CAPN15: variants seen among roughly 807,000 people sequenced by gnomAD.
CAPN15 encodes the protein calpain 15, also known as calpain-15.
CAPN15 carries 53 observed loss-of-function variants against 97.9 expected under a neutral mutation model. The observed-to-expected ratio is 0.54, with a 90% CI of 0.43 to 0.68. CAPN15 has a LOEUF of 0.68. Among genes scored for constraint, CAPN15 ranks in the 30% least tolerant of loss-of-function variants. The pLI, the probability that CAPN15 is intolerant of heterozygous loss-of-function variation, is 0.00. For missense variants in CAPN15, 1,592 were observed against 1,589.8 expected, an observed-to-expected ratio of 1.00 and a Z score of -0.02; for synonymous variants, 922 against 722.5, an observed-to-expected ratio of 1.28 and a Z score of -4.43.
intron 4 of CAPN15, 67 bp from the exon 5 acceptor site, chr16:548,926 T>A: frequency 6.8e-7 from 1 of 1,464,156 alleles, no homozygotes; most frequent in Non-Finnish European, 9.5e-7. Context: ...CTGGGTGGGG[T>A]CTTGTCCCTG....
Position 553,859 on chromosome 16 carries a change from A to C in CAPN15, c.*343A>C. On this transcript the variant is annotated 3_prime_UTR_variant, in exon 14 of 14. Transcript: ENST00000219611. ...AGGGTCTCCTGCGGGCTAGGCAGCCAGGAGCTCTGTCCGCAAAACCAAATC... is the reference window on the plus strand; with the variant it reads ...AGGGTCTCCTGCGGGCTAGGCAGCCCGGAGCTCTGTCCGCAAAACCAAATC... 1 of 240,020 alleles carries C rather than the reference A, an allele frequency of 4.2e-6. No individual in the cohort carries two copies. Among genetic ancestry groups the C allele is most frequent in the Non-Finnish European group, 8.1e-6 (1 of 124,054 alleles). The allele number at this position is 240,020 out of a possible 1,614,324, so 14.9% of individuals were successfully genotyped here.
At chr16:542,859 G>A (rs1317879123) in intron 3 of CAPN15, among the ~76,000 whole-genome samples, 1 of 152,174 alleles carries the variant, frequency 6.6e-6, no homozygotes, top group South Asian at 2.1e-4. Context: ...TTCAAGACCA[G>A]CCTGGCCAAC....
chr16:547,999 C>G lies in CAPN15; in HGVS notation c.1161C>G (p.Asp387Glu). ...CCCACTGCCCCGACTGTGGGGCCGA[C>G]AAGCCCAGCCCCTGCGGCAGAAGCT... is the stretch of plus-strand genomic sequence containing the variant. ...PPTHCPDCGA[D>E]KPSPCGRSCG... is the part of the protein sequence containing the mutation. Residue 387 changes from aspartate to glutamate, a missense_variant, in exon 4 of 14, where the codon GAC becomes GAG. Around this residue, in one of 3 missense-constraint regions of CAPN15, gnomAD observed 883 missense variants for 776.6 expected, o/e 1.14. Transcript: ENST00000219611. The G allele has an allele frequency of 6.3e-7, 1 of 1,579,844 alleles. No homozygotes were observed. Among genetic ancestry groups the G allele is most frequent in the Admixed American group, 1.8e-5 (1 of 56,566 alleles).
chr16:552,294 G>C lies in CAPN15; in HGVS notation c.2508-7G>C, dbSNP rs773052416. 2.0e-5 allele frequency: 31 copies of C among 1,547,476 alleles called. No individual in the cohort carries two copies. In the South Asian group the frequency reaches 3.4e-4, roughly 17 times the overall value. ...CGCGTGACCCTGGCCCGTGGTGTCT[G>C]GCGCAGGCGCTCGGACGCCGTGGAC... On this transcript the variant is annotated splice_region_variant and splice_polypyrimidine_tract_variant and intron_variant, in intron 10 of 13. Transcript: ENST00000219611. The surrounding 1 kb of genome is among the most constrained non-coding windows in gnomAD (Gnocchi z 6.4).
At chr16:542,988 T>C (rs58497981) in intron 3 of CAPN15, among the ~76,000 whole-genome samples, 3,461 of 149,980 alleles carry the variant, frequency 0.023, 148 homozygotes, top group African/African-American at 0.082. Context: ...GAGGCGGAGG[T>C]TGCAGTGAGC....
intron 3 of CAPN15, chr16:537,452 G>A: frequency 2.0e-6 from 2 of 985,598 alleles, no homozygotes; most frequent in Non-Finnish European, 2.4e-6. Flanking sequence ...GCGTGGGTGG[G>A]TGAGTGGCGA....
intron 1 of CAPN15, among the ~76,000 whole-genome samples, chr16:529,778 G>C (rs1487603977): frequency 6.6e-6 from 1 of 152,220 alleles, no homozygotes; most frequent in Non-Finnish European, 1.5e-5. Flanking sequence ...CAGAAACCCA[G>C]GAAGGCTGGT....
At position 547,331 on chromosome 16, in the gene CAPN15, G is replaced by A. The variant is rs746365723; in HGVS notation, c.493G>A (p.Val165Ile). Residue 165 changes from valine (V) to isoleucine (I), a missense_variant, in exon 4 of 14, where the codon GTC becomes ATC. By Grantham distance (29) the Val-to-Ile change is conservative. Coordinates refer to ENST00000219611, the MANE Select transcript of CAPN15 (RefSeq NM_005632.3). ...CACGCCCGTGGCCAGCTCCTGCTCC[G>A]TCTGCGGGGGCCCACGCAGGCTCTC... is the stretch of plus-strand genomic sequence containing the variant. Reference protein sequence around the residue: ...HNTPVASSCSVCGGPRRLSLP... With the variant: ...HNTPVASSCSICGGPRRLSLP... 1.2e-5 allele frequency: 19 copies of A among 1,537,220 alleles called. No individual in the cohort carries two copies. The East Asian group carries it at 2.7e-4, about 22-fold the overall frequency.
rs2034805284 is a variant in CAPN15, at chr16:549,039, C to G, written c.1496C>G (p.Ser499Cys). 6.2e-7 allele frequency: 1 copy of G among 1,612,672 alleles called. No homozygotes were observed. The highest frequency in any genetic ancestry group is 1.3e-5 in the African/African-American group (1 of 74,944). The change falls in exon 5 of 14, where the codon TCT becomes TGT. Residue 499 changes from serine (S) to cysteine (C), a missense_variant. Coordinates refer to ENST00000219611, the MANE Select transcript of CAPN15 (RefSeq NM_005632.3). ...VDDSFPPGPESVGFPAGDSVQ... is the reference protein window; with the variant it reads ...VDDSFPPGPECVGFPAGDSVQ... The stretch of plus-strand genomic sequence containing the variant: ...GACAGCTTCCCTCCCGGGCCCGAGT[C>G]TGTCGGCTTCCCCGCGGGTGACAGC...
At chr16:548,412 G>GTGCTGCCCTCCC in intron 4 of CAPN15, 125 bp downstream of exon 4, 7 of 994,686 alleles carry the variant, frequency 7.0e-6, no homozygotes, top group Non-Finnish European at 9.8e-6. Context: ...GATGGGGAGG[G>GTGCTGCCCTCCC]CAGCACCCTC....
chr16:541,691 A>G (rs79269851), intron 3 of CAPN15, among the ~76,000 whole-genome samples: 8,499 of 152,324 alleles, frequency 0.056, 299 homozygotes, highest in Non-Finnish European at 0.085. Context: ...CGTCATTGCA[A>G]TCCAGCGTTG....
intron 3 of CAPN15, among the ~76,000 whole-genome samples, chr16:545,340 C>T (rs1044273704): frequency 4.6e-5 from 7 of 152,062 alleles, no homozygotes; most frequent in African/African-American, 9.7e-5. Flanking sequence ...GGTCTCCCAC[C>T]GCTGACCCCT....
intron 9 of CAPN15, 33 bp downstream of exon 9, chr16:551,697 C>T: frequency 1.3e-6 from 2 of 1,579,456 alleles, no homozygotes; most frequent in Non-Finnish European, 1.7e-6. Context: ...TGCACGCCGC[C>T]CCCGCCCTCC....
At chr16:546,469 C>G (rs1341259338) in intron 3 of CAPN15, among the ~76,000 whole-genome samples, 2 of 151,990 alleles carry the variant, frequency 1.3e-5, no homozygotes, top group Non-Finnish European at 2.9e-5. Flanking sequence ...ACGACCTGGT[C>G]CTGAGTTTGG....
At chr16:534,235 G>GCCGTGGTCCTGTCGTGGGA (rs374380680) in intron 2 of CAPN15, among the ~76,000 whole-genome samples, 247 of 151,122 alleles carry the variant, frequency 1.6e-3, no homozygotes, top group Middle Eastern at 0.01. Flanking sequence ...TCCCGACAGG[G>GCCGTGGTCCTGTCGTGGGA]GTGTTTGTCC....
At chr16:533,637 A>G (rs1486501387) in intron 1 of CAPN15, among the ~76,000 whole-genome samples, 1 of 152,116 alleles carries the variant, frequency 6.6e-6, no homozygotes, top group Non-Finnish European at 1.5e-5. Flanking sequence ...GGAGGTCCGG[A>G]CAGGATCTTG....
chr16:549,702 G>T lies in CAPN15; in HGVS notation c.1930G>T (p.Ala644Ser). ...GSYFALQAGR[A>S]IEGLATLTGA... ...CTACTTTGCGCTCCAGGCGGGCCGC[G>T]CCATCGAAGGCCTGGCCACGCTCAC... The change falls in exon 7 of 14, where the codon GCC (alanine) becomes TCC (serine). Residue 644 changes from alanine (A) to serine (S), a missense_variant. Coordinates refer to ENST00000219611, the MANE Select transcript of CAPN15 (RefSeq NM_005632.3). The T allele has an allele frequency of 6.4e-7, 1 of 1,564,894 alleles. No homozygotes were observed. Among genetic ancestry groups the T allele is most frequent in the Non-Finnish European group, 8.6e-7 (1 of 1,157,110 alleles).
chr16:532,047 C>T (rs902359896), intron 1 of CAPN15, among the ~76,000 whole-genome samples: 1 of 151,868 alleles, frequency 6.6e-6, no homozygotes, highest in Non-Finnish European at 1.5e-5. Flanking sequence ...CGAGACCAGC[C>T]TGACCAAAAT....
chr16:542,990 G>A (rs1370332578), intron 3 of CAPN15, among the ~76,000 whole-genome samples: 1 of 150,156 alleles, frequency 6.7e-6, no homozygotes, highest in Non-Finnish European at 1.5e-5. Flanking sequence ...GGCGGAGGTT[G>A]CAGTGAGCCA....
Sources: allele counts gnomAD v4.1 joint callset (sites outside exome capture counted in the v4.1 genomes callset), GRCh38; gene constraint gnomAD v4.1.1; regional missense constraint gnomAD v4.1.1; non-coding constraint Gnocchi (gnomAD v3.1); transcripts MANE v1.5; gene names NCBI Gene and HGNC (gene_info 2026-07-23, HGNC 2026-07-21).